Variants in HSD17B6 observed in about 807,000 individuals in gnomAD.
HSD17B6 encodes the protein 17-beta-hydroxysteroid dehydrogenase type 6.
HSD17B6 carries 16 observed loss-of-function variants against 26.4 expected under a neutral mutation model. That is an observed-to-expected ratio of 0.61 (90% CI 0.41 to 0.92). The LOEUF is 0.92. HSD17B6 is among the 40% of genes least tolerant of loss of function. HSD17B6 has a pLI of 0.00. For synonymous variants in HSD17B6, 139 were observed against 153.0 expected, an observed-to-expected ratio of 0.91 and a Z score of 0.68; for missense variants, 357 against 386.1, an observed-to-expected ratio of 0.92 and a Z score of 0.63.
intron 1 of HSD17B6, among the ~76,000 whole-genome samples, chr12:56,763,839 G>A (rs1180365441): frequency 1.3e-5 from 2 of 151,970 alleles, no homozygotes; most frequent in Admixed American, 1.3e-4. Flanking sequence ...AGGTTGAGGA[G>A]TGAGGATCCC....
chr12:56,785,786 C>CT (rs550914737), intron 4 of HSD17B6: 12 of 172,486 alleles, frequency 7.0e-5, no homozygotes, highest in Non-Finnish European at 1.0e-4. Flanking sequence ...TGTCCACAAA[C>CT]TATGTGTCTT....
intron 1 of HSD17B6, among the ~76,000 whole-genome samples, 156 bp downstream of exon 1, chr12:56,763,570 A>G (rs1954253700): frequency 6.6e-6 from 1 of 151,552 alleles, no homozygotes. Flanking sequence ...TGATTCGTGA[A>G]AGAAATTTTG....
intron 1 of HSD17B6, among the ~76,000 whole-genome samples, chr12:56,768,849 C>CT (rs973378651): frequency 6.6e-6 from 1 of 151,960 alleles, no homozygotes; most frequent in African/African-American, 2.4e-5. Flanking sequence ...TCTAGCACCA[C>CT]TTGGCAGCTG....
intron 2 of HSD17B6, 71 bp from the exon 3 acceptor site, chr12:56,781,895 GATTCTTTC>G (rs767345332): frequency 8.8e-5 from 128 of 1,457,308 alleles, no homozygotes; most frequent in Non-Finnish European, 1.2e-4. Context: ...CCTCAAGAGT[GATTCTTTC>G]CCCACCAAAG....
At chr12:56,783,871 C>T (rs1954805998) in intron 3 of HSD17B6, among the ~76,000 whole-genome samples, 2 of 152,108 alleles carry the variant, frequency 1.3e-5, no homozygotes, top group East Asian at 1.9e-4. Context: ...ACGCTCCTCA[C>T]TTCCCAGACG....
chr12:56,785,799 T>C (rs1954861663), intron 4 of HSD17B6: 1 of 186,028 alleles, frequency 5.4e-6, no homozygotes, highest in Non-Finnish European at 1.0e-5. Flanking sequence ...TGTGTCTTAA[T>C]GTGACAGGAG....
chr12:56,766,830 G>A (rs1954339838), intron 1 of HSD17B6, among the ~76,000 whole-genome samples: 2 of 152,226 alleles, frequency 1.3e-5, no homozygotes, highest in Middle Eastern at 3.4e-3. Context: ...GGGAAGGGAC[G>A]CTGTCTGTGA....
chr12:56,768,427 G>C (rs1169539835), intron 1 of HSD17B6, among the ~76,000 whole-genome samples: 1 of 152,072 alleles, frequency 6.6e-6, no homozygotes, highest in Admixed American at 6.6e-5. Context: ...TTATTAAAGG[G>C]GTGGCAGGTT....
intron 3 of HSD17B6, 147 bp downstream of exon 3, chr12:56,782,379 C>T: frequency 1.2e-6 from 1 of 830,584 alleles, no homozygotes; most frequent in Non-Finnish European, 1.8e-6. Context: ...AGCTAACAGG[C>T]TCAAATTTTC....
chr12:56,767,612 A>G (rs1954363391), intron 1 of HSD17B6, among the ~76,000 whole-genome samples: 1 of 113,656 alleles, frequency 8.8e-6, no homozygotes, highest in African/African-American at 3.1e-5. Flanking sequence ...ACATACATAT[A>G]TTAATATATA....
At chr12:56,784,715 G>C in intron 3 of HSD17B6, 138 bp from the exon 4 acceptor site, 1 of 839,258 alleles carries the variant, frequency 1.2e-6, no homozygotes, top group Non-Finnish European at 1.8e-6. Flanking sequence ...GAGGGAGAGG[G>C]AGAGGGAGAG....
intron 1 of HSD17B6, among the ~76,000 whole-genome samples, chr12:56,772,964 C>T (rs932786157): frequency 2.6e-5 from 4 of 152,102 alleles, no homozygotes; most frequent in East Asian, 1.9e-4. Context: ...ATGATGCTAG[C>T]GGGCCCATAC....
intron 4 of HSD17B6, among the ~76,000 whole-genome samples, chr12:56,786,725 C>A (rs1954883127): frequency 6.6e-6 from 1 of 152,242 alleles, no homozygotes. Context: ...GGGATGCGAA[C>A]CTGTAGTCCC....
At chr12:56,765,553 G>A (rs904043276) in intron 1 of HSD17B6, among the ~76,000 whole-genome samples, 8 of 151,660 alleles carry the variant, frequency 5.3e-5, no homozygotes, top group Non-Finnish European at 8.8e-5. Flanking sequence ...GATAGAGTGC[G>A]GTAGTGCAAT....
At chr12:56,778,742 T>C (rs1430728884) in intron 2 of HSD17B6, among the ~76,000 whole-genome samples, 1 of 146,934 alleles carries the variant, frequency 6.8e-6, no homozygotes, top group Non-Finnish European at 1.5e-5. Flanking sequence ...TGGCGCAATC[T>C]CGGCTCACGG....
intron 1 of HSD17B6, among the ~76,000 whole-genome samples, chr12:56,763,985 C>A (rs534495880): frequency 2.4e-3 from 350 of 147,758 alleles, no homozygotes; most frequent in Non-Finnish European, 2.9e-3. Flanking sequence ...GGGAGGATCA[C>A]CTGAGCCCAG....
chr12:56,783,321 C>T (rs1954773733), intron 3 of HSD17B6, among the ~76,000 whole-genome samples: 1 of 139,170 alleles, frequency 7.2e-6, no homozygotes, highest in African/African-American at 2.7e-5. Context: ...GGGGGCTGAG[C>T]CCCCCACCTC....
At chr12:56,784,647 G>A (rs1288535156) in intron 3 of HSD17B6, among the ~76,000 whole-genome samples, 3 of 152,280 alleles carry the variant, frequency 2.0e-5, no homozygotes, top group Middle Eastern at 3.4e-3. Flanking sequence ...GCTTCCGCTC[G>A]GCATCAGAGG....
At chr12:56,778,678 T>C (rs1322453819) in intron 2 of HSD17B6, among the ~76,000 whole-genome samples, 3 of 146,952 alleles carry the variant, frequency 2.0e-5, no homozygotes, top group Admixed American at 1.4e-4. Context: ...CTTTTTCTTT[T>C]TTTTTTTTTT....
Sources: allele counts gnomAD v4.1 joint callset (sites outside exome capture counted in the v4.1 genomes callset), GRCh38; gene constraint gnomAD v4.1.1; transcripts MANE v1.5; gene names NCBI Gene and HGNC (gene_info 2026-07-23, HGNC 2026-07-21).